RMND5B: variants seen among roughly 807,000 people sequenced by gnomAD.
RMND5B encodes the protein E3 ubiquitin-protein transferase RMND5B.
Under a neutral mutation model 50.4 loss-of-function variants are expected in RMND5B, and 42 were observed. That is an observed-to-expected ratio of 0.83 (90% CI 0.65 to 1.08). RMND5B has a LOEUF of 1.08. Ranked by LOEUF, RMND5B falls within the 50% of genes least tolerant of loss-of-function variation. RMND5B has a pLI of 0.00. For synonymous variants in RMND5B, 220 were observed against 210.0 expected (o/e 1.05, Z -0.41); for missense variants, 463 against 508.5 (o/e 0.91, Z 0.86).
intron 2 of RMND5B, among the ~76,000 whole-genome samples, chr5:178,132,701 T>C (rs1758380903): frequency 7.6e-6 from 1 of 132,412 alleles, no homozygotes; most frequent in Non-Finnish European, 1.5e-5. Flanking sequence ...ACCACAGCAC[T>C]CTGGCCTGGG....
chr5:178,142,938 C>T lies in RMND5B; in HGVS notation c.372C>T (p.Ile124=), dbSNP rs150817259. The change falls in exon 5 of 11, where the codon ATC becomes ATT. Residue 124 remains isoleucine (I), a synonymous_variant. Coordinates refer to ENST00000313386, the MANE Select transcript of RMND5B (RefSeq NM_022762.5). The part of the protein sequence containing the change: ...EQQQQILQMA[I]VEHLYQQGML... ...AGCAGCAGATCCTGCAGATGGCCATCGTGGAACACCTGTATCAGCAGGGCA... is the reference window on the plus strand; with the variant it reads ...AGCAGCAGATCCTGCAGATGGCCATTGTGGAACACCTGTATCAGCAGGGCA... The T allele has an allele frequency of 6.1e-4, 987 of 1,614,202 alleles. No individual in the cohort carries two copies. Among genetic ancestry groups the T allele is most frequent in the Non-Finnish European group, 7.6e-4 (898 of 1,180,032 alleles).
Position 178,147,806 on chromosome 5 carries a change from T to G in RMND5B, c.1041T>G (p.Asp347Glu). 1 of 1,614,172 alleles carries G rather than the reference T, an allele frequency of 6.2e-7. No homozygotes were observed. ...ACPILRQQTS[D>E]SNPPIKLICG... ...CCATCCTCCGCCAGCAGACGTCAGA[T>G]TCCAACCCTCCCATCAAGCTCATCT... The change falls in exon 10 of 11, where the codon GAT (aspartate) becomes GAG (glutamate). Residue 347 changes from aspartate (D) to glutamate (E), a missense_variant. By Grantham distance (45) the Asp-to-Glu change is conservative. Coordinates refer to ENST00000313386, the MANE Select transcript of RMND5B (RefSeq NM_022762.5).
Position 178,149,393 on chromosome 5 carries a change from C to A in RMND5B, c.*1361C>A, listed in dbSNP as rs1327941016. The stretch of plus-strand genomic sequence containing the variant: ...CTCTGCTGAGGAAGACTGCTTCACT[C>A]TTCCCGCCCACCAACTCGCTGGCCC... On this transcript the variant is annotated 3_prime_UTR_variant, in exon 11 of 11. Coordinates refer to ENST00000313386, the MANE Select transcript of RMND5B (RefSeq NM_022762.5). 2 of 352,798 alleles carry A rather than the reference C, an allele frequency of 5.7e-6. No homozygotes were observed. The highest frequency in any genetic ancestry group is 4.0e-5 in the Admixed American group (1 of 24,768). 21.9% of individuals were successfully genotyped at this position (352,798 alleles called of 1,614,324 possible).
chr5:178,144,720 G>GAAAAAAA lies in RMND5B; in HGVS notation c.694+619_694+625dup, dbSNP rs111233356. 4.0e-4 allele frequency among the ~76,000 whole-genome samples: 45 copies of GAAAAAAA among 111,778 alleles called. 2 individuals carry two copies. The highest frequency in any genetic ancestry group is 5.2e-4 in the Admixed American group (6 of 11,640). 73.3% of individuals were successfully genotyped at this position (111,778 alleles called of 152,430 possible). ...GGTGACAGAGTGAGACTCCGTCTCA[G>GAAAAAAA]AAAAAAAAAAAAAGACTTGTCTGGG... On this transcript the variant is annotated intron_variant, in intron 7 of 10. Coordinates refer to ENST00000313386, the MANE Select transcript of RMND5B (RefSeq NM_022762.5).
At position 178,131,558 on chromosome 5, in the gene RMND5B, A is replaced by G. The variant is rs1012494033; in HGVS notation, c.-13+182A>G. On this transcript the variant is annotated intron_variant, in intron 2 of 10. Transcript: ENST00000313386. ...GAGAAAAGAAAGATTAGAAACTTCA[A>G]GTAGGACTGTATAGTAAAAAAAAAA... Among the ~76,000 whole-genome samples the G allele has an allele frequency of 3.7e-4, 53 of 143,560 alleles. 2 individuals carry two copies. The highest frequency in any genetic ancestry group is 7.3e-5 in the Admixed American group (1 of 13,718). The allele number at this position is 143,560 out of a possible 152,430, so 94.2% of individuals were successfully genotyped here. A position where few individuals can be genotyped will look rare whatever the true frequency, so the allele number is the denominator to read the frequency against.
In RMND5B at chr5:178,137,409, C is replaced by T. The variant is rs1758674009; in HGVS notation, c.-12-699C>T. On this transcript the variant is annotated intron_variant, in intron 2 of 10. Coordinates refer to ENST00000313386, the MANE Select transcript of RMND5B (RefSeq NM_022762.5). The surrounding 1 kb of genome is among the most constrained non-coding windows in gnomAD (Gnocchi z 4.4). ...AATAACTCTATGAAAATACACGGGC[C>T]GGGCATGGTGGCTTATGCCTATAAT... Among the ~76,000 whole-genome samples, 2 of 152,128 alleles carry T rather than the reference C, an allele frequency of 1.3e-5. No homozygotes were observed. Among genetic ancestry groups the T allele is most frequent in the Non-Finnish European group, 2.9e-5 (2 of 68,026 alleles).
chr5:178,143,068 C>T (rs1261066929), intron 5 of RMND5B, 76 bp downstream of exon 5: 2 of 1,481,508 alleles, frequency 1.3e-6, no homozygotes, highest in Non-Finnish European at 1.8e-6. Context: ...TATGAAGTCC[C>T]TACCATTCTC....
intron 2 of RMND5B, among the ~76,000 whole-genome samples, chr5:178,132,743 T>C (rs960703108): frequency 2.9e-5 from 4 of 137,532 alleles, no homozygotes; most frequent in African/African-American, 1.1e-4. Flanking sequence ...CTCTCTTTTT[T>C]TTTTTTTTTT....
Position 178,138,681 on chromosome 5 carries a change from A to G in RMND5B, c.139+423A>G, listed in dbSNP as rs1758757107. Among the ~76,000 whole-genome samples, 1 of 152,036 alleles carries G rather than the reference A, an allele frequency of 6.6e-6. No individual in the cohort carries two copies. Among genetic ancestry groups the G allele is most frequent in the African/African-American group, 2.4e-5 (1 of 41,374 alleles). ...GCCTGGCCTATTTTTAGCTTTTAAG[A>G]TTTTAAAGATAATTTCAAATTTACA... is the stretch of plus-strand genomic sequence containing the variant. On this transcript the variant is annotated intron_variant, in intron 3 of 10. Coordinates refer to ENST00000313386, the MANE Select transcript of RMND5B (RefSeq NM_022762.5). The surrounding 1 kb of genome is among the most constrained non-coding windows in gnomAD (Gnocchi z 5.1).
chr5:178,150,112 T>C lies in RMND5B; in HGVS notation c.*2080T>C. 2.8e-6 allele frequency: 1 copy of C among 352,448 alleles called. No homozygotes were observed. Among genetic ancestry groups the C allele is most frequent in the Non-Finnish European group, 5.3e-6 (1 of 189,010 alleles). The allele number at this position is 352,448 out of a possible 1,614,324, so 21.8% of individuals were successfully genotyped here. ...TGTCCCGGTCCCTGCCACCCCCACT[T>C]CCTGTGCCTCAGATCTGGCCCCTGT... On this transcript the variant is annotated 3_prime_UTR_variant, in exon 11 of 11. Transcript: ENST00000313386.
In RMND5B at chr5:178,146,105, G is replaced by A. The variant is rs1298141550; in HGVS notation, c.695-9G>A. The A allele has an allele frequency of 1.9e-6, 3 of 1,613,766 alleles. No individual in the cohort carries two copies. In the African/African-American group the frequency reaches 4.0e-5, roughly 22 times the overall value. On this transcript the variant is annotated splice_polypyrimidine_tract_variant and intron_variant, in intron 7 of 10. Coordinates refer to ENST00000313386, the MANE Select transcript of RMND5B (RefSeq NM_022762.5). ...ACCCCCTGAGCTGCCCCCTCTGGTTGCCTTGTAGAGATCCAGGTGATGATG... is the reference window on the plus strand; with the variant it reads ...ACCCCCTGAGCTGCCCCCTCTGGTTACCTTGTAGAGATCCAGGTGATGATG...
rs994964133 is a variant in RMND5B, at chr5:178,137,877, A to G, written c.-12-231A>G. Among the ~76,000 whole-genome samples the G allele has an allele frequency of 2.0e-5, 3 of 151,896 alleles. No homozygotes were observed. Among genetic ancestry groups the G allele is most frequent in the Non-Finnish European group, 1.5e-5 (1 of 67,970 alleles). On this transcript the variant is annotated intron_variant, in intron 2 of 10. Coordinates refer to ENST00000313386, the MANE Select transcript of RMND5B (RefSeq NM_022762.5). The surrounding 1 kb of genome is among the most constrained non-coding windows in gnomAD (Gnocchi z 4.4). Reference sequence around the variant, plus strand: ...AATTTTCTCACCATGATTAAGAAAAACCTCGTCCTCACACCAGCCTGCATC... The same window carrying G: ...AATTTTCTCACCATGATTAAGAAAAGCCTCGTCCTCACACCAGCCTGCATC...
intron 6 of RMND5B, 72 bp from the exon 7 acceptor site, chr5:178,143,870 C>T (rs115971263): frequency 0.024 from 37,847 of 1,566,892 alleles, 509 homozygotes; most frequent in Middle Eastern, 0.055. Context: ...TTTTGGGGCC[C>T]TCCTCTCAGG....
intron 3 of RMND5B, among the ~76,000 whole-genome samples, chr5:178,139,315 C>T (rs1223490281): frequency 1.3e-5 from 2 of 151,248 alleles, no homozygotes; most frequent in African/African-American, 2.4e-5. Flanking sequence ...AAGCAATTCT[C>T]GTGCCTCAGC....
chr5:178,149,960 C>T lies in RMND5B; in HGVS notation c.*1928C>T. The T allele has an allele frequency of 9.1e-7, 1 of 1,093,574 alleles. No individual in the cohort carries two copies. The highest frequency in any genetic ancestry group is 1.5e-5 in the South Asian group (1 of 65,744). 67.7% of individuals were successfully genotyped at this position (1,093,574 alleles called of 1,614,324 possible). Reference sequence around the variant, plus strand: ...AACCATGTTCTGTTCGGTCCATGTTCTATTTAAAAGCATCTTGAATTGGTT... The same window carrying T: ...AACCATGTTCTGTTCGGTCCATGTTTTATTTAAAAGCATCTTGAATTGGTT... On this transcript the variant is annotated 3_prime_UTR_variant, in exon 11 of 11. Transcript: ENST00000313386.
chr5:178,144,749 G>T (rs558364491), intron 7 of RMND5B, among the ~76,000 whole-genome samples: 12 of 126,508 alleles, frequency 9.5e-5, no homozygotes, highest in Admixed American at 5.4e-4. Flanking sequence ...GTCTGGGTGC[G>T]ATGGCTCATG....
At chr5:178,146,570 A>AGCTAACCCC in intron 8 of RMND5B, 1 of 355,354 alleles carries the variant, frequency 2.8e-6, no homozygotes, top group South Asian at 4.6e-5. Flanking sequence ...GGATCATTGC[A>AGCTAACCCC]AGACCTTCCC....
In RMND5B at chr5:178,148,168, T is replaced by A. The variant is rs1007081299; in HGVS notation, c.*136T>A. ...TGAGGAGTTCCACTGAGGGGAGCACTGGAGCAGCCCTTTGGCAGAGGCTGA... is the reference window on the plus strand; with the variant it reads ...TGAGGAGTTCCACTGAGGGGAGCACAGGAGCAGCCCTTTGGCAGAGGCTGA... On this transcript the variant is annotated 3_prime_UTR_variant, in exon 11 of 11. Transcript: ENST00000313386. 2.1e-5 allele frequency: 17 copies of A among 818,850 alleles called. No homozygotes were observed. The East Asian group carries it at 4.4e-4, about 21-fold the overall frequency. The allele number at this position is 818,850 out of a possible 1,614,324, so 50.7% of individuals were successfully genotyped here. A position where few individuals can be genotyped will look rare whatever the true frequency, so the allele number is the denominator to read the frequency against.
chr5:178,146,314 G>A (rs766712215), intron 8 of RMND5B, 35 bp downstream of exon 8: 2 of 1,589,968 alleles, frequency 1.3e-6, no homozygotes, highest in Non-Finnish European at 8.6e-7. Flanking sequence ...GCACAGGTGG[G>A]AGGGTAGAGA....
Sources: gnomAD v4.1 joint callset for allele counts (sites outside exome capture counted in the v4.1 genomes callset) on GRCh38, gnomAD v4.1.1 for gene constraint, Gnocchi (gnomAD v3.1) non-coding constraint, MANE v1.5 for transcripts, NCBI Gene and HGNC (gene_info 2026-07-23, HGNC 2026-07-21) for gene names.